The following PHF7 variants were observed in gnomAD, a reference collection of about 807,000 sequenced individuals.
PHF7 encodes PHD finger protein 7.
In PHF7, 24 loss-of-function variants were observed where a neutral mutation model predicts 47.5. The ratio of observed to expected loss-of-function variants is 0.51; its 90% CI spans 0.37 to 0.71. The LOEUF (loss-of-function observed/expected upper bound fraction) is 0.71. Ranked by LOEUF, PHF7 falls within the 30% of genes least tolerant of loss-of-function variation. The probability of loss-of-function intolerance (pLI) is 0.00; values close to 1 mark genes in which losing one functional copy is unlikely to be tolerated. For synonymous variants in PHF7, 156 were observed against 153.8 expected, an observed-to-expected ratio of 1.01 and a Z score of -0.11; for missense variants, 361 against 456.8, an observed-to-expected ratio of 0.79 and a Z score of 1.91.
At chr3:52,412,775 A>G in intron 1 of PHF7, 36 bp from the exon 2 acceptor site, 1 of 938,168 alleles carries the variant, frequency 1.1e-6, no homozygotes, top group Non-Finnish European at 1.7e-6. Flanking sequence ...CAAATACAGA[A>G]TTAAATTGCT....
At chr3:52,423,050 G>A in intron 10 of PHF7, 41 bp from the exon 11 acceptor site, 1 of 1,518,408 alleles carries the variant, frequency 6.6e-7, no homozygotes, top group Non-Finnish European at 9.1e-7. Context: ...CCTGGGAGAA[G>A]CAGAGGCTTG....
At chr3:52,416,794 C>G (rs1309285187) in intron 4 of PHF7, among the ~76,000 whole-genome samples, 3 of 147,212 alleles carry the variant, frequency 2.0e-5, no homozygotes, top group Non-Finnish European at 4.4e-5. Flanking sequence ...GATCACGCCA[C>G]TGCACTCCAG....
intron 4 of PHF7, among the ~76,000 whole-genome samples, chr3:52,418,847 G>A (rs1189281886): frequency 4.7e-5 from 7 of 149,058 alleles, no homozygotes; most frequent in African/African-American, 1.5e-4. Flanking sequence ...TTGCTCTGTC[G>A]CCCAGGCTAG....
chr3:52,417,202 T>C (rs1355877896), intron 4 of PHF7, among the ~76,000 whole-genome samples: 1 of 152,248 alleles, frequency 6.6e-6, no homozygotes, highest in Admixed American at 6.5e-5. Flanking sequence ...GTCTTGATTA[T>C]TGTGGCTTTA....
At chr3:52,418,600 C>T (rs932546838) in intron 4 of PHF7, among the ~76,000 whole-genome samples, 4 of 152,032 alleles carry the variant, frequency 2.6e-5, no homozygotes, top group Non-Finnish European at 5.9e-5. Flanking sequence ...GTTTTTCTTC[C>T]TGTATTACTC....
At chr3:52,421,211 A>C in intron 7 of PHF7, 149 bp downstream of exon 7, 1 of 667,368 alleles carries the variant, frequency 1.5e-6, no homozygotes. Context: ...CAGTTAGAGG[A>C]AAGTCAGTCC....
intron 4 of PHF7, among the ~76,000 whole-genome samples, chr3:52,415,992 C>T (rs1316178293): frequency 6.6e-6 from 1 of 152,220 alleles, no homozygotes; most frequent in Non-Finnish European, 1.5e-5. Flanking sequence ...CCAGCTTACA[C>T]TCCTACCAGC....
At position 52,422,950 on chromosome 3, in the gene PHF7, A is replaced by G. The variant is rs982123753; in HGVS notation, c.919+69A>G. On this transcript the variant is annotated intron_variant, in intron 10 of 10. Coordinates refer to ENST00000327906, the MANE Select transcript of PHF7 (RefSeq NM_016483.7). ...TGTAGGGACTTGTGGTGCCTGGGAA[A>G]GGAGGAAGACATCCCACCAGAGGGG... The G allele has an allele frequency of 1.9e-6, 3 of 1,601,738 alleles. No homozygotes were observed. In the African/African-American group the frequency reaches 4.0e-5, roughly 21 times the overall value.
chr3:52,414,764 T>C, intron 4 of PHF7, 177 bp downstream of exon 4: 1 of 287,126 alleles, frequency 3.5e-6, no homozygotes, highest in Non-Finnish European at 6.5e-6. Context: ...ATCCCAGCAC[T>C]CTGGGAGGCC....
intron 4 of PHF7, among the ~76,000 whole-genome samples, chr3:52,417,075 C>A (rs1705648394): frequency 1.3e-5 from 2 of 152,124 alleles, no homozygotes; most frequent in African/African-American, 2.4e-5. Flanking sequence ...GAAATCTTTA[C>A]CTACCCATAG....
intron 4 of PHF7, among the ~76,000 whole-genome samples, chr3:52,416,556 C>T (rs995420678): frequency 2.0e-5 from 3 of 150,624 alleles, no homozygotes; most frequent in South Asian, 2.1e-4. Flanking sequence ...GAGTGGTGGT[C>T]GGGCACAGTG....
At chr3:52,422,120 C>G in intron 8 of PHF7, 102 bp from the exon 9 acceptor site, 1 of 828,216 alleles carries the variant, frequency 1.2e-6, no homozygotes, top group Non-Finnish European at 2.1e-6. Flanking sequence ...GCCTACTGAA[C>G]TCTTGCTGTG....
intron 5 of PHF7, 158 bp downstream of exon 5, chr3:52,420,092 G>T (rs1193060115): frequency 2.7e-6 from 2 of 744,464 alleles, no homozygotes; most frequent in Non-Finnish European, 4.8e-6. Flanking sequence ...CTGGGGTATG[G>T]GTGTCCTAAG....
At chr3:52,415,832 G>A (rs1163419842) in intron 4 of PHF7, among the ~76,000 whole-genome samples, 1 of 152,218 alleles carries the variant, frequency 6.6e-6, no homozygotes, top group Non-Finnish European at 1.5e-5. Context: ...TATGAATAAA[G>A]CTACTTTAAG....
intron 1 of PHF7, 22 bp from the exon 2 acceptor site, chr3:52,412,789 C>A: frequency 9.1e-7 from 1 of 1,100,444 alleles, no homozygotes; most frequent in Non-Finnish European, 1.4e-6. Context: ...AATTGCTTAC[C>A]AAACCCCATT....
intron 10 of PHF7, 50 bp downstream of exon 10, chr3:52,422,931 G>T (rs1162749651): frequency 6.2e-7 from 1 of 1,610,308 alleles, no homozygotes. Flanking sequence ...GGGCTGTAGG[G>T]ACTTGTGGTG....
At chr3:52,422,902 C>T (rs377087228) in intron 10 of PHF7, 21 bp downstream of exon 10, 68 of 1,613,728 alleles carry the variant, frequency 4.2e-5, no homozygotes, top group South Asian at 2.2e-4. Flanking sequence ...AGGGATGGGC[C>T]GGCCTCAGAG....
rs941792803 is a variant in PHF7 at position 52,423,530 on chromosome 3, G to A, written c.*213G>A. ...CGTTTATGGCTACAAGAGTGCCTCT[G>A]CTTTCTCCTCCTCTCCTCCCACCAA... On this transcript the variant is annotated 3_prime_UTR_variant, in exon 11 of 11. Transcript: ENST00000327906. 2.7e-5 allele frequency: 13 copies of A among 477,436 alleles called. No individual in the cohort carries two copies. Among genetic ancestry groups the A allele is most frequent in the African/African-American group, 2.3e-4 (12 of 51,476 alleles). The allele number at this position is 477,436 out of a possible 1,614,324, so 29.6% of individuals were successfully genotyped here.
intron 2 of PHF7, 72 bp from the exon 3 acceptor site, chr3:52,413,924 A>T: frequency 9.8e-7 from 1 of 1,019,672 alleles, no homozygotes. Context: ...ATGGCATTTT[A>T]AGAGAAATGT....
Sources: allele counts gnomAD v4.1 joint callset (sites outside exome capture counted in the v4.1 genomes callset), GRCh38; gene constraint gnomAD v4.1.1; transcripts MANE v1.5; gene names NCBI Gene and HGNC (gene_info 2026-07-23, HGNC 2026-07-21).